Variants in NECTIN2 observed in about 807,000 individuals in gnomAD.
The protein encoded by NECTIN2 is nectin cell adhesion molecule 2.
In NECTIN2, 23 loss-of-function variants were observed where a neutral mutation model predicts 56.9. The observed-to-expected ratio is 0.40, with a 90% CI of 0.29 to 0.57. The LOEUF is 0.57. Among genes scored for constraint, NECTIN2 ranks in the 20% least tolerant of loss-of-function variants. The pLI, the probability that NECTIN2 is intolerant of heterozygous loss-of-function variation, is 0.38. For missense variants in NECTIN2, 587 were observed against 718.3 expected (o/e 0.82, Z 2.09); for synonymous variants, 302 against 313.8 (o/e 0.96, Z 0.40).
intron 1 of NECTIN2, among the ~76,000 whole-genome samples, chr19:44,854,685 T>A (rs982238968): frequency 2.0e-5 from 3 of 151,894 alleles, no homozygotes; most frequent in Non-Finnish European, 2.9e-5. Flanking sequence ...TGGTGGTACA[T>A]GCCTGTAATC....
At chr19:44,854,086 T>C (rs1968934834) in intron 1 of NECTIN2, among the ~76,000 whole-genome samples, 1 of 150,748 alleles carries the variant, frequency 6.6e-6, no homozygotes, top group East Asian at 2.0e-4. Context: ...CCCCGAGGAG[T>C]GTGCCCCACA....
intron 1 of NECTIN2, among the ~76,000 whole-genome samples, chr19:44,849,228 C>A (rs1324373830): frequency 6.6e-6 from 1 of 151,666 alleles, no homozygotes; most frequent in Non-Finnish European, 1.5e-5. Context: ...AGTGAAATAC[C>A]GACACAGGGA....
chr19:44,849,073 A>G (rs969617663), intron 1 of NECTIN2, among the ~76,000 whole-genome samples: 2 of 152,114 alleles, frequency 1.3e-5, no homozygotes, highest in African/African-American at 2.4e-5. Flanking sequence ...GGGTGGGTAT[A>G]TAGAGAGGCT....
intron 1 of NECTIN2, among the ~76,000 whole-genome samples, chr19:44,847,798 T>C (rs1451975267): frequency 6.6e-6 from 1 of 152,012 alleles, no homozygotes; most frequent in African/African-American, 2.4e-5. Context: ...GGTAGCGCCT[T>C]TGTCCTCAGA....
intron 1 of NECTIN2, among the ~76,000 whole-genome samples, chr19:44,862,384 A>C (rs12980631): frequency 0.33 from 48,580 of 148,786 alleles, 8,856 homozygotes; most frequent in Non-Finnish European, 0.39. Flanking sequence ...CACTGCACTC[A>C]GGCCTGGGCA....
At chr19:44,848,599 A>C (rs1968864205) in intron 1 of NECTIN2, among the ~76,000 whole-genome samples, 1 of 149,802 alleles carries the variant, frequency 6.7e-6, no homozygotes. Flanking sequence ...CCCTTTCTTG[A>C]CCACCCCCAC....
rs574857633 is a variant in NECTIN2 at position 44,875,526 on chromosome 19, G to A, written c.1042+1048G>A. Among the ~76,000 whole-genome samples the A allele has an allele frequency of 3.3e-5, 5 of 152,246 alleles. No individual in the cohort carries two copies. The South Asian group carries it at 8.3e-4, about 25-fold the overall frequency. ...GGTGATCCACCCGCCTCGGCCTCACGAAGTGCTGGGATTATATGCATGAGC... is the reference window on the plus strand; with the variant it reads ...GGTGATCCACCCGCCTCGGCCTCACAAAGTGCTGGGATTATATGCATGAGC... On this transcript the variant is annotated intron_variant, in intron 5 of 8. Transcript: ENST00000252483. The surrounding 1 kb of genome is among the most constrained non-coding windows in gnomAD (Gnocchi z 4.2).
chr19:44,871,209 G>C (rs1408919206), intron 2 of NECTIN2, among the ~76,000 whole-genome samples: 1 of 152,072 alleles, frequency 6.6e-6, no homozygotes, highest in African/African-American at 2.4e-5. Flanking sequence ...TTTGGACCCT[G>C]TCTCTGCATC....
At chr19:44,853,716 T>C (rs2122633153) in intron 1 of NECTIN2, among the ~76,000 whole-genome samples, 1 of 152,344 alleles carries the variant, frequency 6.6e-6, no homozygotes, top group Non-Finnish European at 1.5e-5. Context: ...CTCAAACTCC[T>C]GACCTCGTGA....
Position 44,875,426 on chromosome 19 carries a change from C to T in NECTIN2, c.1042+948C>T, listed in dbSNP as rs1008379768. On this transcript the variant is annotated intron_variant, in intron 5 of 8. Transcript: ENST00000252483. The surrounding 1 kb of genome is among the most constrained non-coding windows in gnomAD (Gnocchi z 4.2). ...GACTATATGCGCTCACCACCAAACC[C>T]GGCTAAGTTTTGTATTTTTAGTAGA... Among the ~76,000 whole-genome samples the T allele has an allele frequency of 5.3e-5, 8 of 152,170 alleles. No homozygotes were observed. In the East Asian group the frequency reaches 1.2e-3, roughly 22 times the overall value.
chr19:44,846,613 G>A lies in NECTIN2; in HGVS notation c.88G>A (p.Gly30Arg), dbSNP rs560090685. 4.4e-5 allele frequency: 67 copies of A among 1,524,530 alleles called. No individual in the cohort carries two copies. The South Asian group carries it at 7.4e-4, about 17-fold the overall frequency. The allele number at this position is 1,524,530 out of a possible 1,614,324, so 94.4% of individuals were successfully genotyped here. A position where few individuals can be genotyped will look rare whatever the true frequency, so the allele number is the denominator to read the frequency against. Reference sequence around the variant, plus strand: ...GCTGCTGCTGCTGCTCCTGGAAACCGGTGAGACGAGCGGACGGCCCCCTGC... The same window carrying A: ...GCTGCTGCTGCTGCTCCTGGAAACCAGTGAGACGAGCGGACGGCCCCCTGC... ...PLLLLLLLETGAQDVRVQVLP... is the reference protein window; with the variant it reads ...PLLLLLLLETRAQDVRVQVLP... Residue 30 changes from glycine to arginine, a missense_variant and splice_region_variant, in exon 1 of 9, where the codon GGA becomes AGA. By Grantham distance (125) the Gly-to-Arg change is moderately radical (BLOSUM62 -2). Transcript: ENST00000252483.
intron 3 of NECTIN2, 126 bp from the exon 4 acceptor site, chr19:44,873,790 A>T (rs1969204081): frequency 2.9e-6 from 2 of 701,286 alleles, no homozygotes; most frequent in Non-Finnish European, 2.6e-6. Flanking sequence ...TTTGCCCCAG[A>T]CAGTTTTGAC....
chr19:44,880,447 C>T (rs917905424), intron 5 of NECTIN2, among the ~76,000 whole-genome samples: 2 of 146,346 alleles, frequency 1.4e-5, no homozygotes, highest in East Asian at 2.0e-4. Context: ...ACAGGCTTCT[C>T]GCTTCTCGAC....
rs1412048158 is a variant in NECTIN2 at position 44,875,936 on chromosome 19, C to T, written c.1042+1458C>T. Among the ~76,000 whole-genome samples, 4 of 152,096 alleles carry T rather than the reference C, an allele frequency of 2.6e-5. No individual in the cohort carries two copies. The highest frequency in any genetic ancestry group is 5.9e-5 in the Non-Finnish European group (4 of 68,012). ...GCGCGTGAGGATGCACATAAGTCCC[C>T]GGAGGAAGACGTCACACAGACACGC... is the stretch of plus-strand genomic sequence containing the variant. On this transcript the variant is annotated intron_variant, in intron 5 of 8. Transcript: ENST00000252483. This position sits in a 1 kb window ranked among gnomAD's most constrained non-coding sequence, Gnocchi z 4.2.
chr19:44,856,188 C>A (rs1017933379), intron 1 of NECTIN2, among the ~76,000 whole-genome samples: 6 of 152,198 alleles, frequency 3.9e-5, no homozygotes, highest in African/African-American at 1.4e-4. Context: ...GTAATCCCAG[C>A]TACTCGGGAG....
At chr19:44,854,520 A>T (rs1052727440) in intron 1 of NECTIN2, among the ~76,000 whole-genome samples, 7 of 151,960 alleles carry the variant, frequency 4.6e-5, no homozygotes, top group Non-Finnish European at 4.4e-5. Flanking sequence ...TAAGTCAAGA[A>T]CTCTGAATCT....
chr19:44,882,644 G>T (rs1457434346), intron 6 of NECTIN2, among the ~76,000 whole-genome samples: 2 of 129,540 alleles, frequency 1.5e-5, no homozygotes, highest in Non-Finnish European at 3.1e-5. Flanking sequence ...TTGAGCCCAG[G>T]AATTTGAGCC....
chr19:44,885,870 C>A, intron 6 of NECTIN2, 67 bp from the exon 7 acceptor site: 2 of 1,331,764 alleles, frequency 1.5e-6, no homozygotes, highest in Non-Finnish European at 2.2e-6. Context: ...ACAGCATGTG[C>A]CATAACCCCG....
Position 44,878,102 on chromosome 19 carries a change from T to A in NECTIN2, c.1042+3624T>A, listed in dbSNP as rs568573967. The A allele has an allele frequency of 2.4e-3, 1,335 of 554,350 alleles. 5 individuals are homozygous for A. The highest frequency in any genetic ancestry group is 3.9e-3 in the Non-Finnish European group (1,200 of 309,056). The allele number at this position is 554,350 out of a possible 1,614,324, so 34.3% of individuals were successfully genotyped here. A position where few individuals can be genotyped will look rare whatever the true frequency, so the allele number is the denominator to read the frequency against. On this transcript the variant is annotated intron_variant, in intron 5 of 8. Coordinates refer to ENST00000252483, the MANE Select transcript of NECTIN2 (RefSeq NM_001042724.2). Reference sequence around the variant, plus strand: ...AGAGTCACCCCCTCATTCTGGTCACTCCCGCTCCCTCCATCCCCGCCTATC... The same window carrying A: ...AGAGTCACCCCCTCATTCTGGTCACACCCGCTCCCTCCATCCCCGCCTATC...
Sources: gnomAD v4.1 joint callset for allele counts (sites outside exome capture counted in the v4.1 genomes callset) on GRCh38, gnomAD v4.1.1 for gene constraint, Gnocchi (gnomAD v3.1) non-coding constraint, MANE v1.5 for transcripts, NCBI Gene and HGNC (gene_info 2026-07-23, HGNC 2026-07-21) for gene names.